Variants in SRSF10 observed in about 807,000 individuals in gnomAD.
The protein encoded by SRSF10 is serine/arginine-rich splicing factor 10.
A neutral mutation model predicts 32.6 loss-of-function variants in SRSF10; 9 were observed. That is an observed-to-expected ratio of 0.28 (90% CI 0.17 to 0.48). SRSF10 has a LOEUF of 0.48. Among genes scored for constraint, SRSF10 ranks in the 20% least tolerant of loss-of-function variants. SRSF10 has a pLI of 0.99. For missense variants in SRSF10, 201 were observed against 331.8 expected (o/e 0.61, Z 3.06); for synonymous variants, 105 against 112.4 (o/e 0.93, Z 0.42).
intron 3 of SRSF10, 55 bp downstream of exon 3, chr1:23,974,919 A>C: frequency 2.3e-6 from 3 of 1,308,696 alleles, no homozygotes; most frequent in South Asian, 2.5e-5. Context: ...TTAAAAAAAA[A>C]TCTCAAAACA....
chr1:23,964,543 T>C lies in SRSF10; in HGVS notation c.*6599A>G, dbSNP rs930911411. Among the ~76,000 whole-genome samples the C allele has an allele frequency of 4.6e-5, 7 of 151,994 alleles. No individual in the cohort carries two copies. Among genetic ancestry groups the C allele is most frequent in the African/African-American group, 1.4e-4 (6 of 41,442 alleles). On this transcript the variant is annotated 3_prime_UTR_variant, in exon 6 of 6. Transcript: ENST00000492112. ...CTTCTTTTCGATGGCAGTTATACTATGATGGAATCCAGGTCCAAAACCTAT... is the reference window on the plus strand; with the variant it reads ...CTTCTTTTCGATGGCAGTTATACTACGATGGAATCCAGGTCCAAAACCTAT...
intron 2 of SRSF10, chr1:23,977,222 T>C (rs2148511088): frequency 6.6e-6 from 1 of 152,334 alleles, no homozygotes; most frequent in African/African-American, 2.4e-5. Flanking sequence ...GCTCACTGAA[T>C]TTAAGCAGGA....
rs1348306470 is a variant in SRSF10, at chr1:23,964,465, GC to G, written c.*6676del. Among the ~76,000 whole-genome samples, 1 of 151,988 alleles carries G rather than the reference GC, an allele frequency of 6.6e-6. No individual in the cohort carries two copies. Among genetic ancestry groups the G allele is most frequent in the African/African-American group, 2.4e-5 (1 of 41,420 alleles). ...TACAGAGAACTTACCATGTAAGGCTGCTGAAGTCAGCCATACTGTGAACCTT... is the reference window on the plus strand; with the variant it reads ...TACAGAGAACTTACCATGTAAGGCTGTGAAGTCAGCCATACTGTGAACCTT... On this transcript the variant is annotated 3_prime_UTR_variant, in exon 6 of 6. Transcript: ENST00000492112.
At position 23,970,758 on chromosome 1, in the gene SRSF10, TTCTA is replaced by T. The variant is rs1641709938; in HGVS notation, c.*380_*383del. On this transcript the variant is annotated 3_prime_UTR_variant, in exon 6 of 6. Coordinates refer to ENST00000492112, the MANE Select transcript of SRSF10 (RefSeq NM_054016.4). The stretch of plus-strand genomic sequence containing the variant: ...TGGCTACTACTTCACTTTTGTATCA[TTCTA>T]TCTTATTAGCAAGCTACATTTCTAG... 9.8e-7 allele frequency: 1 copy of T among 1,021,006 alleles called. No homozygotes were observed. Among genetic ancestry groups the T allele is most frequent in the African/African-American group, 1.7e-5 (1 of 57,588 alleles). The allele number at this position is 1,021,006 out of a possible 1,614,324, so 63.2% of individuals were successfully genotyped here. A position where few individuals can be genotyped will look rare whatever the true frequency, so the allele number is the denominator to read the frequency against.
intron 4 of SRSF10, 53 bp from the exon 5 acceptor site, chr1:23,971,679 G>A (rs1570771344): frequency 6.3e-7 from 1 of 1,578,676 alleles, no homozygotes; most frequent in Non-Finnish European, 8.6e-7. Flanking sequence ...TAGAGGCAAA[G>A]TTTCTAATTA....
In SRSF10 at chr1:23,971,885, A is replaced by T. The variant is rs1641778560; in HGVS notation, c.402T>A (p.Phe134Leu). The T allele has an allele frequency of 6.2e-7, 1 of 1,609,724 alleles. No individual in the cohort carries two copies. The highest frequency in any genetic ancestry group is 1.7e-5 in the Admixed American group (1 of 58,650). ...YERRRSRSRS[F>L]DYNYRRSYSP... ...TATACGATCTTCTATAGTTGTAATCAAAAGACCGACTTCTTGATCTCCTCC... is the reference window on the plus strand; with the variant it reads ...TATACGATCTTCTATAGTTGTAATCTAAAGACCGACTTCTTGATCTCCTCC... Residue 134 changes from phenylalanine to leucine, a missense_variant, in exon 4 of 6, where the codon TTT becomes TTA. Phe to Leu is a conservative substitution (Grantham distance 22). This residue lies in a region of SRSF10 where 159 missense variants were observed against 196.7 expected (regional missense o/e 0.81). Coordinates refer to ENST00000492112, the MANE Select transcript of SRSF10 (RefSeq NM_054016.4).
intron 3 of SRSF10, 101 bp from the exon 4 acceptor site, chr1:23,972,113 A>C: frequency 9.6e-7 from 1 of 1,045,912 alleles, no homozygotes; most frequent in South Asian, 2.3e-5. Flanking sequence ...CTTATATCCC[A>C]AAGAGAGTAT....
chr1:23,967,917 AC>A lies in SRSF10; in HGVS notation c.*3224del, dbSNP rs759924550. The A allele has an allele frequency of 6.5e-7, 1 of 1,546,866 alleles. No homozygotes were observed. ...CTCTATGTAGCACCTTTCCTCTCTC[AC>A]TGAAGCATTATCTCTCATTTTTCTT... On this transcript the variant is annotated 3_prime_UTR_variant, in exon 6 of 6. Coordinates refer to ENST00000492112, the MANE Select transcript of SRSF10 (RefSeq NM_054016.4).
At chr1:23,979,759 CCT>C (rs1642334551) in intron 1 of SRSF10, among the ~76,000 whole-genome samples, 1 of 152,112 alleles carries the variant, frequency 6.6e-6, no homozygotes, top group African/African-American at 2.4e-5. Flanking sequence ...TAGCAACATT[CCT>C]CTCCCTCGAT....
chr1:23,969,642 T>C lies in SRSF10; in HGVS notation c.*1500A>G. On this transcript the variant is annotated 3_prime_UTR_variant, in exon 6 of 6. Transcript: ENST00000492112. Reference sequence around the variant, plus strand: ...AGCAATCTGAGATTTTTAAAGATGCTAGCTTTTTATTCTGAAATGAAATTG... The same window carrying C: ...AGCAATCTGAGATTTTTAAAGATGCCAGCTTTTTATTCTGAAATGAAATTG... 3.0e-6 allele frequency: 3 copies of C among 985,150 alleles called. No individual in the cohort carries two copies. The highest frequency in any genetic ancestry group is 3.6e-6 in the Non-Finnish European group (3 of 829,640). 61.0% of individuals were successfully genotyped at this position (985,150 alleles called of 1,614,324 possible). A position where few individuals can be genotyped will look rare whatever the true frequency, so the allele number is the denominator to read the frequency against.
At chr1:23,978,842 A>T in intron 1 of SRSF10, 25 bp from the exon 2 acceptor site, 3 of 1,588,868 alleles carry the variant, frequency 1.9e-6, no homozygotes, top group Non-Finnish European at 2.6e-6. Flanking sequence ...AAAGACCTCA[A>T]ATTTTTATGT....
Position 23,970,898 on chromosome 1 carries a change from G to T in SRSF10, c.*244C>A, listed in dbSNP as rs1641717070. 3 of 1,210,718 alleles carry T rather than the reference G, an allele frequency of 2.5e-6. No homozygotes were observed. Among genetic ancestry groups the T allele is most frequent in the South Asian group, 3.7e-5 (1 of 26,730 alleles). The allele number at this position is 1,210,718 out of a possible 1,614,324, so 75.0% of individuals were successfully genotyped here. A position where few individuals can be genotyped will look rare whatever the true frequency, so the allele number is the denominator to read the frequency against. On this transcript the variant is annotated 3_prime_UTR_variant, in exon 6 of 6. Coordinates refer to ENST00000492112, the MANE Select transcript of SRSF10 (RefSeq NM_054016.4). ...CAAATACTTCAAGCATAAAAAATGAGAATCTTTACAAAAATATACAGAGAC... is the reference window on the plus strand; with the variant it reads ...CAAATACTTCAAGCATAAAAAATGATAATCTTTACAAAAATATACAGAGAC...
rs1167207536 is a variant in SRSF10, at chr1:23,966,258, T to C, written c.*4884A>G. 1.3e-5 allele frequency: 2 copies of C among 151,930 alleles called. No individual in the cohort carries two copies. The highest frequency in any genetic ancestry group is 2.1e-4 in the South Asian group (1 of 4,828). 9.4% of individuals were successfully genotyped at this position (151,930 alleles called of 1,614,324 possible). ...CCATTTCACACCTCCCTTGAAAATA[T>C]ACCTCTGCTATATTTTCAAAATTGC... On this transcript the variant is annotated 3_prime_UTR_variant, in exon 6 of 6. Coordinates refer to ENST00000492112, the MANE Select transcript of SRSF10 (RefSeq NM_054016.4).
chr1:23,967,531 C>T lies in SRSF10; in HGVS notation c.*3611G>A. 5.4e-6 allele frequency: 3 copies of T among 550,764 alleles called. No homozygotes were observed. Among genetic ancestry groups the T allele is most frequent in the South Asian group, 2.9e-5 (1 of 34,258 alleles). 34.1% of individuals were successfully genotyped at this position (550,764 alleles called of 1,614,324 possible). A position where few individuals can be genotyped will look rare whatever the true frequency, so the allele number is the denominator to read the frequency against. ...AAACTTGAAGGGACTTCAATTATTCCATGTAGTTTTCGATAACATTCTTTT... is the reference window on the plus strand; with the variant it reads ...AAACTTGAAGGGACTTCAATTATTCTATGTAGTTTTCGATAACATTCTTTT... On this transcript the variant is annotated 3_prime_UTR_variant, in exon 6 of 6. Transcript: ENST00000492112.
At chr1:23,979,256 G>A (rs1642291037) in intron 1 of SRSF10, among the ~76,000 whole-genome samples, 2 of 152,036 alleles carry the variant, frequency 1.3e-5, no homozygotes, top group East Asian at 1.9e-4. Flanking sequence ...AATTTCTCTA[G>A]ATGCTAACGT....
intron 1 of SRSF10, among the ~76,000 whole-genome samples, chr1:23,979,817 T>C (rs1258601092): frequency 1.4e-5 from 2 of 145,236 alleles, no homozygotes; most frequent in Non-Finnish European, 3.0e-5. Context: ...AAAAAAAAAA[T>C]CTCTGGGCCA....
Position 23,969,847 on chromosome 1 carries a change from T to C in SRSF10, c.*1295A>G, listed in dbSNP as rs1405609680. 1.6e-5 allele frequency: 16 copies of C among 985,346 alleles called. No individual in the cohort carries two copies. Among genetic ancestry groups the C allele is most frequent in the South Asian group, 4.7e-5 (1 of 21,294 alleles). The allele number at this position is 985,346 out of a possible 1,614,324, so 61.0% of individuals were successfully genotyped here. On this transcript the variant is annotated 3_prime_UTR_variant, in exon 6 of 6. Coordinates refer to ENST00000492112, the MANE Select transcript of SRSF10 (RefSeq NM_054016.4). ...TTTCCCCAAATTACCTTAAATTTCA[T>C]GGCACCACAGAATCACCTAGAATGA... is the stretch of plus-strand genomic sequence containing the variant.
chr1:23,965,886 CAA>C lies in SRSF10; in HGVS notation c.*5254_*5255del, dbSNP rs1266896975. ...GGAAATGGAGAAGGGAGGTAGAGGG[CAA>C]AAAAGTCTATAGCCTCTACATATTC... On this transcript the variant is annotated 3_prime_UTR_variant, in exon 6 of 6. Coordinates refer to ENST00000492112, the MANE Select transcript of SRSF10 (RefSeq NM_054016.4). The C allele has an allele frequency of 2.0e-5, 3 of 151,628 alleles. No homozygotes were observed. Among genetic ancestry groups the C allele is most frequent in the Non-Finnish European group, 4.4e-5 (3 of 67,738 alleles). 9.4% of individuals were successfully genotyped at this position (151,628 alleles called of 1,614,324 possible). A position where few individuals can be genotyped will look rare whatever the true frequency, so the allele number is the denominator to read the frequency against.
rs1170701604 is a variant in SRSF10 at position 23,967,530 on chromosome 1, C to T, written c.*3612G>A. ...CAAACTTGAAGGGACTTCAATTATT[C>T]CATGTAGTTTTCGATAACATTCTTT... is the stretch of plus-strand genomic sequence containing the variant. On this transcript the variant is annotated 3_prime_UTR_variant, in exon 6 of 6. Coordinates refer to ENST00000492112, the MANE Select transcript of SRSF10 (RefSeq NM_054016.4). 4 of 552,916 alleles carry T rather than the reference C, an allele frequency of 7.2e-6. No homozygotes were observed. Among genetic ancestry groups the T allele is most frequent in the African/African-American group, 5.6e-5 (3 of 53,740 alleles). The allele number at this position is 552,916 out of a possible 1,614,324, so 34.3% of individuals were successfully genotyped here. A position where few individuals can be genotyped will look rare whatever the true frequency, so the allele number is the denominator to read the frequency against.
Sources: allele counts gnomAD v4.1 joint callset (sites outside exome capture counted in the v4.1 genomes callset), GRCh38; gene constraint gnomAD v4.1.1; regional missense constraint gnomAD v4.1.1; transcripts MANE v1.5; gene names NCBI Gene and HGNC (gene_info 2026-07-23, HGNC 2026-07-21).